NHSL1: variants seen among roughly 807,000 people sequenced by gnomAD.
The protein encoded by NHSL1 is NHS like 1.
A neutral mutation model predicts 95.0 loss-of-function variants in NHSL1; 48 were observed. The ratio of observed to expected loss-of-function variants is 0.51; its 90% CI spans 0.40 to 0.64. NHSL1 has a LOEUF of 0.64. Among genes scored for constraint, NHSL1 ranks in the 30% least tolerant of loss-of-function variants. The pLI is 0.00. For missense variants in NHSL1, 1,971 were observed against 2,077.7 expected, an observed-to-expected ratio of 0.95 and a Z score of 1.00; for synonymous variants, 783 against 833.9, an observed-to-expected ratio of 0.94 and a Z score of 1.05.
At chr6:138,680,074 C>T (rs147045957) in intron 1 of NHSL1, among the ~76,000 whole-genome samples, 27 of 152,202 alleles carry the variant, frequency 1.8e-4, no homozygotes, top group African/African-American at 4.8e-4. Flanking sequence ...AAACATTTTA[C>T]GGCATACTTT....
chr6:138,456,670 G>A (rs373133090), intron 3 of NHSL1, among the ~76,000 whole-genome samples: 159 of 152,210 alleles, frequency 1.0e-3, no homozygotes, highest in African/African-American at 3.7e-3. Flanking sequence ...TATAACTTCC[G>A]ATAATGGCAG....
At chr6:138,425,225 G>A (rs1292011457) in intron 7 of NHSL1, among the ~76,000 whole-genome samples, 3 of 152,136 alleles carry the variant, frequency 2.0e-5, no homozygotes, top group African/African-American at 7.2e-5. Flanking sequence ...CCAAGTAGCT[G>A]GGATTACAGG....
At chr6:138,575,128 A>G (rs6914708), upstream of NHSL1, among the ~76,000 whole-genome samples, 6,887 of 152,028 alleles carry the variant, frequency 0.045, 498 homozygotes, top group African/African-American at 0.15. Context: ...CGAACTCCCA[A>G]CCTCAGGTGA....
At chr6:138,550,329 C>T (rs541355328), upstream of NHSL1, among the ~76,000 whole-genome samples, 5 of 152,258 alleles carry the variant, frequency 3.3e-5, no homozygotes, top group East Asian at 9.6e-4. Flanking sequence ...ACTGTTCAAA[C>T]TAGGAAAAAA....
At chr6:138,498,562 C>T (rs554636521) in intron 1 of NHSL1, among the ~76,000 whole-genome samples, 3 of 152,200 alleles carry the variant, frequency 2.0e-5, no homozygotes, top group South Asian at 2.1e-4. Flanking sequence ...AATAAACCAC[C>T]GACTATGTAA....
intron 1 of NHSL1, among the ~76,000 whole-genome samples, chr6:138,682,089 C>G (rs987787545): frequency 6.6e-6 from 1 of 151,562 alleles, no homozygotes; most frequent in Non-Finnish European, 1.5e-5. Context: ...TCAAGCAATA[C>G]TCCTGCCTCA....
chr6:138,467,585 G>A (rs1030375318), intron 3 of NHSL1, among the ~76,000 whole-genome samples: 25 of 152,342 alleles, frequency 1.6e-4, no homozygotes, highest in African/African-American at 5.8e-4. Flanking sequence ...CTTCATGGGT[G>A]TTATTGCCCC....
chr6:138,523,645 A>AAAAAC (rs1158145274), intron 1 of NHSL1, among the ~76,000 whole-genome samples: 9 of 148,544 alleles, frequency 6.1e-5, no homozygotes, highest in Admixed American at 6.1e-4. Context: ...AAAAAAAAAA[A>AAAAAC]AAAAAAACAG....
intron 1 of NHSL1, among the ~76,000 whole-genome samples, chr6:138,535,091 G>T (rs1273544392): frequency 6.6e-6 from 1 of 152,280 alleles, no homozygotes; most frequent in East Asian, 1.9e-4. Flanking sequence ...GGTCTTAAAA[G>T]ATCTACTCTG....
At chr6:138,482,723 G>A (rs1207302086) in intron 2 of NHSL1, among the ~76,000 whole-genome samples, 3 of 152,166 alleles carry the variant, frequency 2.0e-5, no homozygotes, top group South Asian at 4.2e-4. Context: ...ACCAACGAGA[G>A]AGAAGAGCAG....
intron 3 of NHSL1, among the ~76,000 whole-genome samples, chr6:138,471,760 G>A (rs367933267): frequency 3.3e-5 from 5 of 151,200 alleles, no homozygotes; most frequent in African/African-American, 7.3e-5. Flanking sequence ...ATGTCTTGCC[G>A]TAAAAAAAAA....
At chr6:138,466,848 C>G (rs1480803256) in intron 3 of NHSL1, among the ~76,000 whole-genome samples, 1 of 152,012 alleles carries the variant, frequency 6.6e-6, no homozygotes, top group African/African-American at 2.4e-5. Context: ...CTTTGGGAGG[C>G]TAAGGCGGGT....
upstream of NHSL1, among the ~76,000 whole-genome samples, chr6:138,577,006 T>A (rs926417539): frequency 1.3e-5 from 2 of 152,204 alleles, no homozygotes; most frequent in African/African-American, 4.8e-5. Context: ...TCTAGAATCA[T>A]CTCCTTTGGG....
intron 1 of NHSL1, among the ~76,000 whole-genome samples, chr6:138,607,706 G>A (rs1320696318): frequency 1.3e-5 from 2 of 152,238 alleles, no homozygotes; most frequent in Admixed American, 6.5e-5. Context: ...AATCGGAGTG[G>A]GGTTTCTTGT....
At chr6:138,616,082 T>C (rs1784574812) in intron 1 of NHSL1, among the ~76,000 whole-genome samples, 1 of 152,230 alleles carries the variant, frequency 6.6e-6, no homozygotes, top group Non-Finnish European at 1.5e-5. Flanking sequence ...TTTGCTCTAA[T>C]CAAATTTACC....
At chr6:138,615,084 G>C (rs1268234088) in intron 1 of NHSL1, among the ~76,000 whole-genome samples, 1 of 152,128 alleles carries the variant, frequency 6.6e-6, no homozygotes, top group Non-Finnish European at 1.5e-5. Context: ...GAATGAGAGA[G>C]CCCAGTCCTC....
chr6:138,660,099 T>C (rs921239762), intron 1 of NHSL1, among the ~76,000 whole-genome samples: 3 of 152,178 alleles, frequency 2.0e-5, no homozygotes, highest in Non-Finnish European at 2.9e-5. Context: ...CCGTGGCTGA[T>C]TCAAAACACT....
chr6:138,442,476 G>C (rs939277809), intron 4 of NHSL1, among the ~76,000 whole-genome samples: 5 of 152,296 alleles, frequency 3.3e-5, no homozygotes, highest in Non-Finnish European at 5.9e-5. Context: ...TAGCGTGTAG[G>C]TGGTGATGGT....
At chr6:138,605,452 C>A (rs1784420416) in intron 1 of NHSL1, among the ~76,000 whole-genome samples, 1 of 152,116 alleles carries the variant, frequency 6.6e-6, no homozygotes. Context: ...CTCTCACATT[C>A]TCACCCCCCA....
Sources: allele counts gnomAD v4.1 joint callset (sites outside exome capture counted in the v4.1 genomes callset), GRCh38; gene constraint gnomAD v4.1.1; transcripts MANE v1.5; gene names NCBI Gene and HGNC (gene_info 2026-07-23, HGNC 2026-07-21).